The following TAF1 variants were observed in gnomAD, a reference collection of about 807,000 sequenced individuals.
The protein encoded by TAF1 is TATA-box binding protein associated factor 1, also known as transcription initiation factor TFIID subunit 1.
TAF1 carries 2 observed loss-of-function variants against 138.5 expected under a neutral mutation model. That is an observed-to-expected ratio of 0.01 (90% confidence interval 0.01 to 0.05). TAF1 has a LOEUF of 0.05. Among genes scored for constraint, TAF1 ranks in the 10% least tolerant of loss-of-function variants. The probability of loss-of-function intolerance (pLI) is 1.00; values close to 1 mark genes in which losing one functional copy is unlikely to be tolerated. For missense variants in TAF1, 709 were observed against 1,478.0 expected, an observed-to-expected ratio of 0.48 and a Z score of 8.53; for synonymous variants, 437 against 503.2, an observed-to-expected ratio of 0.87 and a Z score of 1.76.
rs41481947 is a variant in TAF1, at chrX:71,431,003, ATTTTTTTTTTTTTT to A, written c.4753+6781_4753+6794del. The stretch of plus-strand genomic sequence containing the variant: ...GTGTACAGGTCCAAAGCTCAGAAGA[ATTTTTTTTTTTTTT>A]TTTTTTTTTTTTTTTGAGACAGAAT... On this transcript the variant is annotated intron_variant, in intron 32 of 37. Transcript: ENST00000423759. Among the ~76,000 whole-genome samples, 6 of 68,601 alleles carry A rather than the reference ATTTTTTTTTTTTTT, an allele frequency of 8.7e-5. No individual in the cohort carries two copies. In the East Asian group the frequency reaches 1.4e-3, roughly 16 times the overall value. The allele number at this position is 68,601 out of a possible 115,157, so 59.6% of individuals were successfully genotyped here. A position where few individuals can be genotyped will look rare whatever the true frequency, so the allele number is the denominator to read the frequency against.
intron 13 of TAF1, among the ~76,000 whole-genome samples, chrX:71,506,201 AAAAT>A (rs1052522746): frequency 9.3e-6 from 1 of 107,294 alleles, no homozygotes; most frequent in Non-Finnish European, 1.9e-5. Flanking sequence ...ACTCCGTCTC[AAAAT>A]AAATAAATAA....
intron 13 of TAF1, among the ~76,000 whole-genome samples, chrX:71,506,600 CAGA>C (rs1336712020): frequency 9.6e-6 from 1 of 104,675 alleles, no homozygotes; most frequent in African/African-American, 3.5e-5. Flanking sequence ...GAGGCTGAGG[CAGA>C]AGAATGGCGT....
chrX:71,389,149 A>G (rs1487323220), intron 17 of TAF1, among the ~76,000 whole-genome samples: 1 of 111,904 alleles, frequency 8.9e-6, no homozygotes, highest in Non-Finnish European at 1.9e-5. Context: ...GGTGACTTTA[A>G]TCTCTTCTTT....
rs200161016 is a variant in TAF1 at position 71,432,499 on chromosome X, CT to C, written c.4753+8275del. Among the ~76,000 whole-genome samples, 598 of 97,152 alleles carry C rather than the reference CT, an allele frequency of 6.2e-3. 2 individuals are homozygous for C. The highest frequency in any genetic ancestry group is 0.014 in the African/African-American group (385 of 26,914). The allele number at this position is 97,152 out of a possible 115,157, so 84.4% of individuals were successfully genotyped here. A position where few individuals can be genotyped will look rare whatever the true frequency, so the allele number is the denominator to read the frequency against. ...TTGAAGGTCCAGCTGAAGATGGAGA[CT>C]TTTTTTTTTTTTTGGCAGTATCAGT... On this transcript the variant is annotated intron_variant, in intron 32 of 37. Transcript: ENST00000423759.
intron 24 of TAF1, among the ~76,000 whole-genome samples, chrX:71,399,086 C>T (rs1429906883): frequency 5.6e-5 from 6 of 107,945 alleles, no homozygotes; most frequent in East Asian, 5.9e-4. Flanking sequence ...ACTACAGGCA[C>T]GTGCCACCAC....
chrX:71,470,187 A>G (rs1341361290), downstream of TAF1, among the ~76,000 whole-genome samples: 1 of 111,070 alleles, frequency 9.0e-6, no homozygotes, highest in Non-Finnish European at 1.9e-5. Context: ...CTTTTTGTTT[A>G]TATTGTCTAA....
chrX:71,490,772 G>A (rs1224715700), intron 13 of TAF1, among the ~76,000 whole-genome samples: 3 of 105,099 alleles, frequency 2.9e-5, no homozygotes, highest in African/African-American at 1.1e-4. Context: ...TCTTTCACCA[G>A]GCTGGAATGC....
rs375004428 is a variant in TAF1 at position 71,382,746 on chromosome X, A to G, written c.1666-15A>G. The G allele has an allele frequency of 3.3e-6, 4 of 1,204,634 alleles. No individual in the cohort carries two copies. Among genetic ancestry groups the G allele is most frequent in the Non-Finnish European group, 2.2e-6 (2 of 892,209 alleles). ...GGATAGTCTGACCGAGATTTGTTTG[A>G]TTATCTATCATTAGAACATGTCTCA... On this transcript the variant is annotated splice_polypyrimidine_tract_variant and intron_variant, in intron 10 of 37. Transcript: ENST00000423759.
At chrX:71,408,884 G>A (rs1318733933) in intron 28 of TAF1, among the ~76,000 whole-genome samples, 3 of 109,689 alleles carry the variant, frequency 2.7e-5, no homozygotes, top group Non-Finnish European at 3.8e-5. Flanking sequence ...CGTAGTGGCG[G>A]GCGCCTGTAG....
chrX:71,489,269 C>T (rs752367708), intron 13 of TAF1, among the ~76,000 whole-genome samples: 7 of 110,864 alleles, frequency 6.3e-5, no homozygotes, highest in Non-Finnish European at 1.3e-4. Flanking sequence ...CTTTGTGATA[C>T]TGGGGTTTAA....
chrX:71,453,548 A>G (rs1044179213), intron 32 of TAF1, among the ~76,000 whole-genome samples: 5 of 110,621 alleles, frequency 4.5e-5, no homozygotes, highest in African/African-American at 6.6e-5. Context: ...AGCCTGCACC[A>G]GAGTGTTATA....
At chrX:71,381,996 G>A (rs2033917097) in intron 9 of TAF1, 77 bp downstream of exon 9, 2 of 1,061,109 alleles carry the variant, frequency 1.9e-6, no homozygotes, top group Admixed American at 7.3e-5. Context: ...GAGGAAATCA[G>A]AAGGGTTGGA....
At chrX:71,394,389 C>T (rs1173245308) in intron 22 of TAF1, 144 bp downstream of exon 22, 5 of 778,517 alleles carry the variant, frequency 6.4e-6, no homozygotes, top group Non-Finnish European at 8.9e-6. Flanking sequence ...AAGTAGAAAG[C>T]TTTTTACAAA....
intron 18 of TAF1, 45 bp downstream of exon 18, chrX:71,389,710 T>G (rs2034448186): frequency 8.9e-6 from 9 of 1,012,914 alleles, no homozygotes; most frequent in Non-Finnish European, 1.1e-5. Context: ...TACATCTCAT[T>G]TATCCTTTTA....
chrX:71,524,866 G>A (rs1310606115), intron 13 of TAF1, among the ~76,000 whole-genome samples: 1 of 105,068 alleles, frequency 9.5e-6, no homozygotes, highest in Non-Finnish European at 2.0e-5. Flanking sequence ...ACTTGAACCC[G>A]GGAGGCAGAG....
intron 37 of TAF1, among the ~76,000 whole-genome samples, chrX:71,462,880 C>T (rs1185921318): frequency 1.8e-5 from 2 of 111,719 alleles, no homozygotes; most frequent in Non-Finnish European, 3.8e-5. Context: ...AATTAACACA[C>T]CATCAAGATG....
intron 13 of TAF1, among the ~76,000 whole-genome samples, chrX:71,481,314 T>C (rs775296200): frequency 2.7e-5 from 3 of 111,881 alleles, no homozygotes; most frequent in Non-Finnish European, 5.6e-5. Flanking sequence ...AAAGTAACCA[T>C]TGGACTGATA....
At position 71,371,417 on chromosome X, in the gene TAF1, G is replaced by A. The variant is rs143757326; in HGVS notation, c.352+3247G>A. ...AAATTTTGAAAGTGAGGCAAGGTTT[G>A]GTGGAGAAGGAGCAGCAGGGGATTT... On this transcript the variant is annotated intron_variant, in intron 3 of 37. Coordinates refer to ENST00000423759, the MANE Select transcript of TAF1 (RefSeq NM_004606.5). 8.4e-3 allele frequency among the ~76,000 whole-genome samples: 939 copies of A among 111,568 alleles called. 4 individuals carry two copies. The highest frequency in any genetic ancestry group is 0.014 in the Non-Finnish European group (717 of 53,105).
At chrX:71,467,181 G>A (rs1200392192), downstream of TAF1, among the ~76,000 whole-genome samples, 2 of 106,952 alleles carry the variant, frequency 1.9e-5, no homozygotes, top group African/African-American at 6.8e-5. Context: ...TGGAGAGAAG[G>A]TGGGCAGATA....
Sources: gnomAD v4.1 joint callset for allele counts (sites outside exome capture counted in the v4.1 genomes callset) on GRCh38, gnomAD v4.1.1 for gene constraint, MANE v1.5 for transcripts, NCBI Gene and HGNC (gene_info 2026-07-23, HGNC 2026-07-21) for gene names.